CUX1: variants seen among roughly 807,000 people sequenced by gnomAD.
The protein encoded by CUX1 is protein CASP.
A neutral mutation model predicts 158.8 loss-of-function variants in CUX1; 31 were observed. The ratio of observed to expected loss-of-function variants is 0.20; its 90% CI spans 0.15 to 0.26. The LOEUF (loss-of-function observed/expected upper bound fraction) is 0.26, where lower values mean the gene tolerates loss of function less well. CUX1 is among the 10% of genes least tolerant of loss of function. The pLI is 1.00. For synonymous variants in CUX1, 879 were observed against 862.1 expected, an observed-to-expected ratio of 1.02 and a Z score of -0.34; for missense variants, 1,589 against 2,014.6, an observed-to-expected ratio of 0.79 and a Z score of 4.04.
At chr7:101,919,286 C>T (rs1295758354) in intron 2 of CUX1, among the ~76,000 whole-genome samples, 1 of 152,068 alleles carries the variant, frequency 6.6e-6, no homozygotes, top group Non-Finnish European at 1.5e-5. Context: ...TGGCCTGTGT[C>T]CCAAGGGGAC....
At chr7:102,005,195 G>A (rs1047935178) in intron 2 of CUX1, among the ~76,000 whole-genome samples, 2 of 152,178 alleles carry the variant, frequency 1.3e-5, no homozygotes, top group African/African-American at 4.8e-5. Context: ...CGATAGAGTC[G>A]GAAAGGAATT....
chr7:102,146,320 C>T (rs1006855501), intron 8 of CUX1, among the ~76,000 whole-genome samples: 13 of 152,178 alleles, frequency 8.5e-5, no homozygotes, highest in Non-Finnish European at 1.8e-4. Flanking sequence ...AGGCTGTTCC[C>T]GATCACGCTG....
intron 2 of CUX1, among the ~76,000 whole-genome samples, chr7:102,011,339 C>T (rs1817988906): frequency 6.6e-6 from 1 of 151,934 alleles, no homozygotes; most frequent in Non-Finnish European, 1.5e-5. Context: ...AGCTGCTCAG[C>T]CCCTACAGCC....
At chr7:102,060,960 T>C (rs1487901991) in intron 3 of CUX1, among the ~76,000 whole-genome samples, 1 of 118,732 alleles carries the variant, frequency 8.4e-6, no homozygotes, top group Non-Finnish European at 1.6e-5. Flanking sequence ...TGTGTCTCAC[T>C]CTAGCCCAGG....
Position 102,253,544 on chromosome 7 carries a change from A to G in CUX1, c.*4502A>G, listed in dbSNP as rs539187878. 12 of 985,328 alleles carry G rather than the reference A, an allele frequency of 1.2e-5. 1 individual carries two copies. Among genetic ancestry groups the G allele is most frequent in the Admixed American group, 6.2e-5 (1 of 16,260 alleles). 61.0% of individuals were successfully genotyped at this position (985,328 alleles called of 1,614,324 possible). A position where few individuals can be genotyped will look rare whatever the true frequency, so the allele number is the denominator to read the frequency against. ...GATCAATGAACTCTGTTGACATTCTATGCAATGTTTTTCATTCCTCTGATT... is the reference window on the plus strand; with the variant it reads ...GATCAATGAACTCTGTTGACATTCTGTGCAATGTTTTTCATTCCTCTGATT... On this transcript the variant is annotated 3_prime_UTR_variant, in exon 24 of 24. Transcript: ENST00000292535.
chr7:101,879,558 T>C (rs1799500073), intron 1 of CUX1, among the ~76,000 whole-genome samples: 1 of 152,104 alleles, frequency 6.6e-6, no homozygotes, highest in African/African-American at 2.4e-5. Flanking sequence ...ATTGCTCCAG[T>C]TGTCTTCGGC....
At position 101,890,849 on chromosome 7, in the gene CUX1, A is replaced by T. The variant is rs539950391; in HGVS notation, c.31-25266A>T. On this transcript the variant is annotated intron_variant, in intron 1 of 23. Coordinates refer to ENST00000292535, the MANE Select transcript of CUX1 (RefSeq NM_181552.4). ...CCATCTCCTGCTTCTCACTTTACAC[A>T]CTCATATGAGACCTTTTTTATTTCT... Among the ~76,000 whole-genome samples, 274 of 151,492 alleles carry T rather than the reference A, an allele frequency of 1.8e-3. 2 individuals are homozygous for T. Among genetic ancestry groups the T allele is most frequent in the African/African-American group, 6.4e-3 (265 of 41,222 alleles).
intron 8 of CUX1, 40 bp from the exon 9 acceptor site, chr7:102,158,520 T>C: frequency 6.2e-7 from 1 of 1,608,656 alleles, no homozygotes; most frequent in African/African-American, 1.3e-5. Flanking sequence ...TGAGCCGGTC[T>C]CCTTGTGACT....
chr7:102,132,116 A>G (rs1833309516), intron 8 of CUX1, among the ~76,000 whole-genome samples: 1 of 151,202 alleles, frequency 6.6e-6, no homozygotes, highest in African/African-American at 2.4e-5. Flanking sequence ...AAGGGAAGAA[A>G]TTCAGAGCTT....
At chr7:102,204,942 C>T (rs1271575748) in intron 19 of CUX1, among the ~76,000 whole-genome samples, 172 bp from the exon 20 acceptor site, 1 of 152,244 alleles carries the variant, frequency 6.6e-6, no homozygotes, top group South Asian at 2.1e-4. Flanking sequence ...CACCTGCTCC[C>T]GGCCCGGGGG....
At chr7:102,182,737 C>A (rs1793229037) in intron 11 of CUX1, among the ~76,000 whole-genome samples, 1 of 152,172 alleles carries the variant, frequency 6.6e-6, no homozygotes. Context: ...TGATAACTCT[C>A]TATTCTGTGG....
At chr7:101,978,314 C>A (rs921012813) in intron 2 of CUX1, among the ~76,000 whole-genome samples, 1 of 152,250 alleles carries the variant, frequency 6.6e-6, no homozygotes, top group Non-Finnish European at 1.5e-5. Context: ...CAATCCCAGT[C>A]CCCCTGTCAC....
Position 102,254,029 on chromosome 7 carries a change from G to A in CUX1, c.*4987G>A, listed in dbSNP as rs1459458117. The A allele has an allele frequency of 1.3e-5, 13 of 985,324 alleles. No individual in the cohort carries two copies. Among genetic ancestry groups the A allele is most frequent in the Admixed American group, 6.2e-5 (1 of 16,260 alleles). The allele number at this position is 985,324 out of a possible 1,614,324, so 61.0% of individuals were successfully genotyped here. On this transcript the variant is annotated 3_prime_UTR_variant, in exon 24 of 24. Transcript: ENST00000292535. The stretch of plus-strand genomic sequence containing the variant: ...TGGAGAGAGCAGAAAAGCTGCCAGC[G>A]CAGCAGACACGAACATCCCTCTGCC...
At chr7:101,885,103 T>C (rs1334126339) in intron 1 of CUX1, among the ~76,000 whole-genome samples, 1 of 152,192 alleles carries the variant, frequency 6.6e-6, no homozygotes, top group Non-Finnish European at 1.5e-5. Context: ...CACACAAGCC[T>C]TTCATGTGGC....
rs1789989095 is a variant in CUX1, at chr7:102,257,181, G to T, written c.*8139G>T. 1 of 985,250 alleles carries T rather than the reference G, an allele frequency of 1.0e-6. No individual in the cohort carries two copies. Among genetic ancestry groups the T allele is most frequent in the African/African-American group, 1.7e-5 (1 of 57,214 alleles). The allele number at this position is 985,250 out of a possible 1,614,324, so 61.0% of individuals were successfully genotyped here. A position where few individuals can be genotyped will look rare whatever the true frequency, so the allele number is the denominator to read the frequency against. ...AAGGGCCCTGCTCACCCCAAGGTAG[G>T]CTGGGAAGAGCATCTCTTTCCATAT... On this transcript the variant is annotated 3_prime_UTR_variant, in exon 24 of 24. Coordinates refer to ENST00000292535, the MANE Select transcript of CUX1 (RefSeq NM_181552.4).
chr7:102,034,169 T>TAAAAAAAA (rs1821145522), intron 3 of CUX1, among the ~76,000 whole-genome samples: 1 of 45,950 alleles, frequency 2.2e-5, no homozygotes, highest in Non-Finnish European at 4.4e-5. Context: ...AAAAAAAAAG[T>TAAAAAAAA]CAGTCTTATT....
intron 1 of CUX1, among the ~76,000 whole-genome samples, chr7:101,860,385 A>G (rs1239055933): frequency 6.6e-6 from 1 of 152,226 alleles, no homozygotes; most frequent in African/African-American, 2.4e-5. Flanking sequence ...TTCAGTATGT[A>G]TCTCTAAAAG....
At chr7:101,827,501 G>C (rs960416159) in intron 1 of CUX1, among the ~76,000 whole-genome samples, 2 of 151,930 alleles carry the variant, frequency 1.3e-5, no homozygotes, top group Non-Finnish European at 2.9e-5. Flanking sequence ...TTTAGAGACA[G>C]GGTCTTGCTT....
At chr7:102,007,592 C>T (rs992637626) in intron 2 of CUX1, among the ~76,000 whole-genome samples, 15 of 151,620 alleles carry the variant, frequency 9.9e-5, no homozygotes, top group African/African-American at 3.4e-4. Flanking sequence ...GGCTGCCACC[C>T]TCACCTGGGC....
Sources: allele counts gnomAD v4.1 joint callset (sites outside exome capture counted in the v4.1 genomes callset), GRCh38; gene constraint gnomAD v4.1.1; transcripts MANE v1.5; gene names NCBI Gene and HGNC (gene_info 2026-07-23, HGNC 2026-07-21).